The following SLC4A5 variants were observed in gnomAD, a reference collection of about 807,000 sequenced individuals.
SLC4A5 encodes electrogenic sodium bicarbonate cotransporter 4.
A neutral mutation model predicts 120.4 loss-of-function variants in SLC4A5; 96 were observed. The ratio of observed to expected loss-of-function variants is 0.80; its 90% CI spans 0.68 to 0.94. The LOEUF (loss-of-function observed/expected upper bound fraction) is 0.94. Ranked by LOEUF, SLC4A5 falls within the 40% of genes least tolerant of loss-of-function variation. The pLI is 0.00. For missense variants in SLC4A5, 1,259 were observed against 1,459.5 expected (o/e 0.86, Z 2.24); for synonymous variants, 550 against 571.1 (o/e 0.96, Z 0.53).
intron 11 of SLC4A5, 117 bp from the exon 12 acceptor site, chr2:74,259,760 C>T: frequency 1.1e-6 from 1 of 927,230 alleles, no homozygotes; most frequent in South Asian, 1.3e-5. Context: ...ACTCCCTCCC[C>T]CTTAATCCTG....
intron 7 of SLC4A5, among the ~76,000 whole-genome samples, chr2:74,302,063 C>T (rs1375495178): frequency 1.3e-5 from 2 of 152,110 alleles, no homozygotes; most frequent in African/African-American, 4.8e-5. Context: ...GATTATTTCT[C>T]AAATTGGAAT....
intron 7 of SLC4A5, among the ~76,000 whole-genome samples, chr2:74,286,689 T>C (rs577216610): frequency 6.6e-6 from 1 of 152,262 alleles, no homozygotes; most frequent in Admixed American, 6.5e-5. Context: ...AAATGACCAT[T>C]TCAATCATAA....
chr2:74,333,817 G>A (rs1256600055), intron 4 of SLC4A5, among the ~76,000 whole-genome samples: 1 of 152,172 alleles, frequency 6.6e-6, no homozygotes, highest in Non-Finnish European at 1.5e-5. Flanking sequence ...CCCTACCTGG[G>A]TTTGACATCT....
rs1242643555 is a variant in SLC4A5, at chr2:74,255,315, C to T, written c.1025+460G>A. 4.6e-5 allele frequency among the ~76,000 whole-genome samples: 7 copies of T among 152,016 alleles called. No individual in the cohort carries two copies. The highest frequency in any genetic ancestry group is 2.1e-4 in the South Asian group (1 of 4,820). On this transcript the variant is annotated intron_variant, in intron 13 of 30. Transcript: ENST00000394019. This position sits in a 1 kb window ranked among gnomAD's most constrained non-coding sequence, Gnocchi z 4.0. The stretch of plus-strand genomic sequence containing the variant: ...TATTATTTTTATTTTTTTTCTGAGA[C>T]GCAGTCTTGCTCTGTTGCCCAGGCT...
intron 8 of SLC4A5, among the ~76,000 whole-genome samples, chr2:74,274,834 G>T (rs1004386602): frequency 1.3e-5 from 2 of 152,110 alleles, no homozygotes; most frequent in African/African-American, 4.8e-5. Flanking sequence ...AGATATACAG[G>T]GTAAGCCAAA....
chr2:74,273,827 G>A (rs180869023), intron 8 of SLC4A5, among the ~76,000 whole-genome samples: 1 of 152,212 alleles, frequency 6.6e-6, no homozygotes, highest in African/African-American at 2.4e-5. Context: ...GTCTTTGACA[G>A]AGGCACTAAA....
chr2:74,252,078 G>A, intron 16 of SLC4A5, 101 bp downstream of exon 16: 1 of 1,266,178 alleles, frequency 7.9e-7, no homozygotes, highest in Non-Finnish European at 1.1e-6. Context: ...GTGACCTCGA[G>A]TGGGCACTAC....
chr2:74,304,091 C>T (rs1251880818), intron 7 of SLC4A5, among the ~76,000 whole-genome samples: 1 of 151,968 alleles, frequency 6.6e-6, no homozygotes, highest in African/African-American at 2.4e-5. Context: ...CCTCGTGATC[C>T]GCCCACCTCG....
intron 6 of SLC4A5, chr2:74,306,790 T>A: frequency 1.3e-6 from 1 of 785,982 alleles, no homozygotes; most frequent in Non-Finnish European, 2.1e-6. Context: ...ATCCAGTGGG[T>A]AGTGTTCTTT....
At chr2:74,318,550 G>A (rs1673021580) in intron 5 of SLC4A5, among the ~76,000 whole-genome samples, 1 of 152,116 alleles carries the variant, frequency 6.6e-6, no homozygotes, top group African/African-American at 2.4e-5. Context: ...GCCAGGTGTG[G>A]TGGTGCATGC....
At chr2:74,232,242 G>A (rs976747314) in intron 24 of SLC4A5, among the ~76,000 whole-genome samples, 7 of 152,156 alleles carry the variant, frequency 4.6e-5, no homozygotes, top group African/African-American at 1.7e-4. Flanking sequence ...TATGGATGGG[G>A]TATGCATACT....
intron 5 of SLC4A5, among the ~76,000 whole-genome samples, chr2:74,318,592 A>G (rs531291327): frequency 1.3e-5 from 2 of 152,252 alleles, no homozygotes; most frequent in Non-Finnish European, 2.9e-5. Flanking sequence ...AGGCTGAGGC[A>G]CAAGAATCAC....
chr2:74,265,197 G>C (rs750809463), exon 9 of SLC4A5: 2 of 1,614,248 alleles, frequency 1.2e-6, no homozygotes, highest in South Asian at 2.2e-5. Flanking sequence ...TGCAGGGATA[G>C]TGTGGACACG....
intron 10 of SLC4A5, 128 bp from the exon 11 acceptor site, chr2:74,262,360 A>ATT: frequency 5.6e-6 from 3 of 536,536 alleles, no homozygotes; most frequent in African/African-American, 2.0e-5. Context: ...CTGGGAAGAA[A>ATT]TTCTTTTTTT....
rs185660172 is a variant in SLC4A5, at chr2:74,299,963, C to T, written c.271+4526G>A. Among the ~76,000 whole-genome samples, 270 of 152,284 alleles carry T rather than the reference C, an allele frequency of 1.8e-3. 1 individual carries two copies. The highest frequency in any genetic ancestry group is 6.3e-3 in the African/African-American group (262 of 41,550). ...TTCACAATAGCCAAAACAGAAACAA[C>T]CTGCATGTCCACTGACAGATGAAGG... On this transcript the variant is annotated intron_variant, in intron 7 of 30. Transcript: ENST00000394019.
rs992013275 is a variant in SLC4A5 at position 74,229,262 on chromosome 2, G to A, written c.2848-1384C>T. Among the ~76,000 whole-genome samples, 7 of 147,826 alleles carry A rather than the reference G, an allele frequency of 4.7e-5. No individual in the cohort carries two copies. In the East Asian group the frequency reaches 1.4e-3, roughly 30 times the overall value. On this transcript the variant is annotated intron_variant, in intron 25 of 30. Coordinates refer to ENST00000394019, the Ensembl canonical transcript of SLC4A5. The stretch of plus-strand genomic sequence containing the variant: ...ATTCGAAGGTGTTTTTTTTTTTTGG[G>A]GGGGGCACGGAGTCTCACTCTGTCT...
Position 74,294,999 on chromosome 2 carries a change from C to T in SLC4A5, c.272-9097G>A, listed in dbSNP as rs551738779. 4.6e-5 allele frequency among the ~76,000 whole-genome samples: 7 copies of T among 152,182 alleles called. No individual in the cohort carries two copies. The East Asian group carries it at 9.7e-4, about 21-fold the overall frequency. On this transcript the variant is annotated intron_variant, in intron 7 of 30. Coordinates refer to ENST00000394019, the Ensembl canonical transcript of SLC4A5. ...TTTCAGTTCTTTTATGCTGCATAAG[C>T]GCTAGACTGATAGATGGTCTTTGTG...
intron 12 of SLC4A5, among the ~76,000 whole-genome samples, chr2:74,257,843 G>C (rs939412591): frequency 4.6e-5 from 7 of 152,168 alleles, no homozygotes; most frequent in Admixed American, 6.5e-5. Flanking sequence ...CAAACTGCTG[G>C]AATTACAGGT....
At chr2:74,304,284 AAGAC>A (rs1249453901) in intron 7 of SLC4A5, among the ~76,000 whole-genome samples, 1 of 152,220 alleles carries the variant, frequency 6.6e-6, no homozygotes, top group Non-Finnish European at 1.5e-5. Flanking sequence ...TCCCCAGAGA[AAGAC>A]AGGGTGTCAG....
Sources: allele counts gnomAD v4.1 joint callset (sites outside exome capture counted in the v4.1 genomes callset), GRCh38; gene constraint gnomAD v4.1.1; non-coding constraint Gnocchi (gnomAD v3.1); transcripts MANE v1.5; gene names NCBI Gene and HGNC (gene_info 2026-07-23, HGNC 2026-07-21).